The following PPP3CA variants were observed in gnomAD, a reference collection of about 807,000 sequenced individuals.
PPP3CA encodes CAM-PRP catalytic subunit.
Under a neutral mutation model 66.5 loss-of-function variants are expected in PPP3CA, and 14 were observed. The observed-to-expected ratio is 0.21, with a 90% CI of 0.14 to 0.33. PPP3CA has a LOEUF of 0.33. PPP3CA is among the 10% of genes least tolerant of loss of function. PPP3CA has a pLI of 1.00. For synonymous variants in PPP3CA, 232 were observed against 226.2 expected (o/e 1.03, Z -0.23); for missense variants, 317 against 639.5 (o/e 0.50, Z 5.44).
rs560080654 is a variant in PPP3CA, at chr4:101,147,138, C to T, written c.260-38060G>A. The stretch of plus-strand genomic sequence containing the variant: ...CTGGGGCTTGAACCCAGATTTGTCC[C>T]GAAGTCTAGGCTATTCCCATTAGAC... On this transcript the variant is annotated intron_variant, in intron 2 of 13. Coordinates refer to ENST00000394854, the MANE Select transcript of PPP3CA (RefSeq NM_000944.5). Among the ~76,000 whole-genome samples, 10 of 152,206 alleles carry T rather than the reference C, an allele frequency of 6.6e-5. No homozygotes were observed. The East Asian group carries it at 1.9e-3, about 29-fold the overall frequency.
chr4:101,228,829 A>G (rs953172579), intron 1 of PPP3CA, among the ~76,000 whole-genome samples: 10 of 151,740 alleles, frequency 6.6e-5, no homozygotes, highest in African/African-American at 2.4e-4. Context: ...CCATTTCAAT[A>G]GAAAAGATCT....
chr4:101,046,802 C>T (rs964632995), intron 10 of PPP3CA, among the ~76,000 whole-genome samples: 1 of 152,060 alleles, frequency 6.6e-6, no homozygotes, highest in Non-Finnish European at 1.5e-5. Context: ...AATAAAACCT[C>T]TTGATGAAAT....
chr4:101,031,323 T>C (rs1726946551), intron 12 of PPP3CA, among the ~76,000 whole-genome samples: 1 of 152,172 alleles, frequency 6.6e-6, no homozygotes, highest in Admixed American at 6.5e-5. Context: ...CGAGAATGTT[T>C]TGAAAAATGT....
chr4:101,316,299 T>A (rs1194827714), intron 1 of PPP3CA, among the ~76,000 whole-genome samples: 1 of 151,556 alleles, frequency 6.6e-6, no homozygotes, highest in Non-Finnish European at 1.5e-5. Flanking sequence ...TATAATCAAA[T>A]TTTTCAAGCA....
rs1020135178 is a variant in PPP3CA, at chr4:101,216,539, AT to A, written c.59-20424del. On this transcript the variant is annotated intron_variant, in intron 1 of 13. Transcript: ENST00000394854. ...CCTGTAGATTATAAAACTTTCCTTT[AT>A]TTTTTTTTCTTTTCTTAAGACAGGG... Among the ~76,000 whole-genome samples, 4 of 150,966 alleles carry A rather than the reference AT, an allele frequency of 2.6e-5. No homozygotes were observed. The East Asian group carries it at 5.8e-4, about 22-fold the overall frequency.
At chr4:101,342,027 A>G (rs1229515288) in intron 1 of PPP3CA, among the ~76,000 whole-genome samples, 2 of 152,208 alleles carry the variant, frequency 1.3e-5, no homozygotes, top group Non-Finnish European at 2.9e-5. Context: ...AAAGATAAGG[A>G]AAAGCATGAG....
intron 1 of PPP3CA, among the ~76,000 whole-genome samples, chr4:101,243,275 A>G (rs947131833): frequency 1.3e-5 from 2 of 152,194 alleles, no homozygotes; most frequent in Non-Finnish European, 2.9e-5. Context: ...ACATGAACAC[A>G]TATCCTCACA....
intron 2 of PPP3CA, among the ~76,000 whole-genome samples, chr4:101,162,632 G>A (rs528417572): frequency 1.3e-5 from 2 of 152,030 alleles, no homozygotes; most frequent in South Asian, 2.1e-4. Context: ...GAATATAAAC[G>A]TGACCCCCTG....
In PPP3CA at chr4:101,203,789, T is replaced by C. The variant is rs187823934; in HGVS notation, c.59-7673A>G. Reference sequence around the variant, plus strand: ...TTCCTCTGCATGCAGTCTTGAGAAGTTCTATCACAACACTACTTTAATTTT... The same window carrying C: ...TTCCTCTGCATGCAGTCTTGAGAAGCTCTATCACAACACTACTTTAATTTT... On this transcript the variant is annotated intron_variant, in intron 1 of 13. Transcript: ENST00000394854. Among the ~76,000 whole-genome samples, 719 of 152,294 alleles carry C rather than the reference T, an allele frequency of 4.7e-3. 8 individuals carry two copies. Among genetic ancestry groups the C allele is most frequent in the African/African-American group, 0.016 (680 of 41,556 alleles).
intron 10 of PPP3CA, among the ~76,000 whole-genome samples, chr4:101,059,876 T>C (rs1179776958): frequency 6.6e-6 from 1 of 152,140 alleles, no homozygotes; most frequent in Non-Finnish European, 1.5e-5. Flanking sequence ...ATCTAGGACC[T>C]CTGAGTATAC....
At chr4:101,122,022 T>C (rs897172278) in intron 2 of PPP3CA, among the ~76,000 whole-genome samples, 1 of 152,144 alleles carries the variant, frequency 6.6e-6, no homozygotes, top group Non-Finnish European at 1.5e-5. Context: ...TCTCAGAACC[T>C]GAGAAAGGGA....
intron 1 of PPP3CA, among the ~76,000 whole-genome samples, chr4:101,327,044 A>T (rs1434090949): frequency 2.6e-5 from 4 of 152,232 alleles, no homozygotes; most frequent in Admixed American, 2.6e-4. Flanking sequence ...AATCACTCAC[A>T]AAATCTCACT....
chr4:101,055,285 G>A (rs552818752), intron 10 of PPP3CA, among the ~76,000 whole-genome samples: 7 of 152,138 alleles, frequency 4.6e-5, no homozygotes, highest in Admixed American at 2.6e-4. Flanking sequence ...ACTAAACCTT[G>A]GTCTGAAATG....
chr4:101,298,623 A>G (rs1272972490), intron 1 of PPP3CA, among the ~76,000 whole-genome samples: 3 of 152,104 alleles, frequency 2.0e-5, no homozygotes, highest in Non-Finnish European at 2.9e-5. Context: ...TTTCTTCGTA[A>G]CATTTTCTTT....
chr4:101,160,090 TAGAA>T (rs1182946663), intron 2 of PPP3CA, among the ~76,000 whole-genome samples: 3 of 151,390 alleles, frequency 2.0e-5, no homozygotes, highest in Non-Finnish European at 4.4e-5. Context: ...AAATGTGAAA[TAGAA>T]AGTAAAATAT....
At chr4:101,326,430 T>C (rs904033079) in intron 1 of PPP3CA, among the ~76,000 whole-genome samples, 2 of 152,140 alleles carry the variant, frequency 1.3e-5, no homozygotes, top group East Asian at 3.9e-4. Context: ...TGACACCAAG[T>C]AGGTCACATC....
chr4:101,194,030 G>A (rs1329785474), intron 2 of PPP3CA, among the ~76,000 whole-genome samples: 1 of 152,040 alleles, frequency 6.6e-6, no homozygotes, highest in Admixed American at 6.6e-5. Context: ...TATCTACTAC[G>A]CTTATTTCTG....
chr4:101,114,165 T>C (rs1309732876), intron 2 of PPP3CA, among the ~76,000 whole-genome samples: 3 of 152,264 alleles, frequency 2.0e-5, no homozygotes, highest in Non-Finnish European at 1.5e-5. Flanking sequence ...TAGCGCTCTA[T>C]GAAAATATCC....
chr4:101,129,778 C>T (rs545616385), intron 2 of PPP3CA, among the ~76,000 whole-genome samples: 10 of 152,196 alleles, frequency 6.6e-5, no homozygotes, highest in East Asian at 1.9e-4. Context: ...GATAAATTCA[C>T]GAAGATGAGG....
Sources: gnomAD v4.1 joint callset for allele counts (sites outside exome capture counted in the v4.1 genomes callset) on GRCh38, gnomAD v4.1.1 for gene constraint, MANE v1.5 for transcripts, NCBI Gene and HGNC (gene_info 2026-07-23, HGNC 2026-07-21) for gene names.